Variants in PHF3 observed in about 807,000 individuals in gnomAD.
PHF3 encodes PHD finger protein 3.
Under a neutral mutation model 178.4 loss-of-function variants are expected in PHF3, and 41 were observed. The ratio of observed to expected loss-of-function variants is 0.23; its 90% CI spans 0.18 to 0.30. PHF3 has a LOEUF of 0.30. Ranked by LOEUF, PHF3 falls within the 10% of genes least tolerant of loss-of-function variation. The probability of loss-of-function intolerance (pLI) is 1.00; values close to 1 mark genes in which losing one functional copy is unlikely to be tolerated. For synonymous variants in PHF3, 842 were observed against 800.5 expected (o/e 1.05, Z -0.88); for missense variants, 2,346 against 2,398.1 (o/e 0.98, Z 0.45).
chr6:63,658,891 G>A lies in PHF3; in HGVS notation c.244+12096G>A, dbSNP rs1765351270. On this transcript the variant is annotated intron_variant, in intron 2 of 15. Transcript: ENST00000262043. ...GCTGGAGACCTAGGGAAGAGTTGAT[G>A]TTGCAGTTTGAGTCCAAAGGCATTT... 2.0e-5 allele frequency among the ~76,000 whole-genome samples: 3 copies of A among 152,190 alleles called. No homozygotes were observed. The Middle Eastern group carries it at 0.01, about 521-fold the overall frequency.
At position 63,695,634 on chromosome 6, in the gene PHF3, G is replaced by A. The variant is rs547234364; in HGVS notation, c.2680+870G>A. 3.3e-5 allele frequency among the ~76,000 whole-genome samples: 5 copies of A among 152,276 alleles called. No homozygotes were observed. In the South Asian group the frequency reaches 1.0e-3, roughly 32 times the overall value. On this transcript the variant is annotated intron_variant, in intron 6 of 15. Transcript: ENST00000262043. Reference sequence around the variant, plus strand: ...GGGAAAACTCTGGTTGCTCTGTACAGTTTGGATTGTAGGAAGGCAGGAGAG... The same window carrying A: ...GGGAAAACTCTGGTTGCTCTGTACAATTTGGATTGTAGGAAGGCAGGAGAG...
At chr6:63,636,662 C>CT (rs1220497490) in intron 1 of PHF3, 1 of 152,398 alleles carries the variant, frequency 6.6e-6, no homozygotes, top group Non-Finnish European at 1.5e-5. Flanking sequence ...CCTGCTGCTG[C>CT]TTTTTGGAGA....
In PHF3 at chr6:63,703,576, C is replaced by A; in HGVS notation, c.3272C>A (p.Ser1091Tyr). ...AAGTCATTGGAGAAGCCAGAAGGAT[C>A]TGAAAAACAAAAAGAGGAGGTTGAC... ...ANKSLEKPEGSEKQKEEVDSM... is the reference protein window; with the variant it reads ...ANKSLEKPEGYEKQKEEVDSM... Residue 1091 changes from serine (S) to tyrosine (Y), a missense_variant, in exon 11 of 16, where the codon TCT becomes TAT. Physicochemically the swap from Ser to Tyr is moderately radical, Grantham distance 144 (BLOSUM62 -2). Transcript: ENST00000262043. 1 of 1,612,716 alleles carries A rather than the reference C, an allele frequency of 6.2e-7. No individual in the cohort carries two copies.
At chr6:63,687,437 A>G (rs1306362174) in intron 4 of PHF3, among the ~76,000 whole-genome samples, 1 of 152,196 alleles carries the variant, frequency 6.6e-6, no homozygotes, top group Non-Finnish European at 1.5e-5. Context: ...AAATGAACAC[A>G]TTACTCAAAT....
At position 63,694,690 on chromosome 6, in the gene PHF3, C is replaced by T. The variant is rs371096663; in HGVS notation, c.2606C>T (p.Ser869Leu). The change falls in exon 6 of 16, where the codon TCA (serine) becomes TTA (leucine). Residue 869 changes from serine to leucine, a missense_variant. Physicochemically the swap from Ser to Leu is moderately radical, Grantham distance 145 (BLOSUM62 -2). Transcript: ENST00000262043. ...CAACCAGTTTTACCTCGGAGATCCT[C>T]AGAAGAAAAAAGTGAAAAAATACCG... is the stretch of plus-strand genomic sequence containing the variant. ...MGQPVLPRRS[S>L]EEKSEKIPKE... The T allele has an allele frequency of 2.4e-5, 38 of 1,599,644 alleles. No individual in the cohort carries two copies. The highest frequency in any genetic ancestry group is 3.2e-5 in the Non-Finnish European group (38 of 1,172,826).
chr6:63,638,469 T>A (rs1355573722), intron 1 of PHF3, among the ~76,000 whole-genome samples: 1 of 152,164 alleles, frequency 6.6e-6, no homozygotes, highest in East Asian at 1.9e-4. Context: ...CATTTAAATT[T>A]CTCATAAAAT....
intron 2 of PHF3, among the ~76,000 whole-genome samples, chr6:63,670,347 AAAGCTCT>A (rs1329630515): frequency 6.6e-6 from 1 of 152,006 alleles, no homozygotes; most frequent in African/African-American, 2.4e-5. Flanking sequence ...CGGCTCACTG[AAAGCTCT>A]GCCTCCTGGG....
chr6:63,704,270 T>C (rs377377720), intron 11 of PHF3, among the ~76,000 whole-genome samples: 2 of 152,232 alleles, frequency 1.3e-5, no homozygotes, highest in African/African-American at 4.8e-5. Context: ...ATAGTTTACA[T>C]TGGCGTTCAC....
At position 63,635,852 on chromosome 6, in the gene PHF3, C is replaced by T. The variant is rs988084547; in HGVS notation, c.-324C>T. On this transcript the variant is annotated 5_prime_UTR_variant, in exon 1 of 16. The change creates a new upstream start codon in the 5' untranslated region. Coordinates refer to ENST00000262043, the MANE Select transcript of PHF3 (RefSeq NM_001370348.2). ...CTCCAGCTCCCGCGCCGCCGCCGCA[C>T]GCCGATGGCTGCGGGGTCTCGCGCC... 2.5e-6 allele frequency: 1 copy of T among 396,782 alleles called. No homozygotes were observed. Among genetic ancestry groups the T allele is most frequent in the Admixed American group, 4.4e-5 (1 of 22,674 alleles). 24.6% of individuals were successfully genotyped at this position (396,782 alleles called of 1,614,324 possible).
At chr6:63,664,355 A>T (rs1765591180) in intron 2 of PHF3, among the ~76,000 whole-genome samples, 1 of 152,184 alleles carries the variant, frequency 6.6e-6, no homozygotes, top group Non-Finnish European at 1.5e-5. Flanking sequence ...CTCGTATCAG[A>T]AATTTTAGAG....
chr6:63,703,066 C>G (rs1767543224), intron 10 of PHF3, among the ~76,000 whole-genome samples: 1 of 152,028 alleles, frequency 6.6e-6, no homozygotes, highest in Non-Finnish European at 1.5e-5. Flanking sequence ...TTAGTAGAGA[C>G]AGAGTTTCAC....
chr6:63,646,436 C>T, intron 1 of PHF3, 91 bp from the exon 2 acceptor site: 1 of 856,610 alleles, frequency 1.2e-6, no homozygotes, highest in Non-Finnish European at 1.7e-6. Flanking sequence ...TAAGTGTGTT[C>T]TTAGACTCAA....
rs768951557 is a variant in PHF3 at position 63,715,956 on chromosome 6, T to C, written c.*2248T>C. ...CTGTTTTAAGAAAAAACCTGCTCTT[T>C]AAAAAAAGTTTTACACTTAAAAAAA... On this transcript the variant is annotated 3_prime_UTR_variant, in exon 16 of 16. Transcript: ENST00000262043. 6.6e-5 allele frequency among the ~76,000 whole-genome samples: 10 copies of C among 152,130 alleles called. No homozygotes were observed. The highest frequency in any genetic ancestry group is 1.2e-4 in the Non-Finnish European group (8 of 67,984).
At chr6:63,664,113 A>G (rs990442139) in intron 2 of PHF3, among the ~76,000 whole-genome samples, 1 of 152,226 alleles carries the variant, frequency 6.6e-6, no homozygotes, top group African/African-American at 2.4e-5. Context: ...AACAGCTAGC[A>G]GTTTCAAGTA....
rs751911231 is a variant in PHF3 at position 63,698,320 on chromosome 6, G to T, written c.2778G>T (p.Gln926His). 6.2e-7 allele frequency: 1 copy of T among 1,612,844 alleles called. No individual in the cohort carries two copies. Among genetic ancestry groups the T allele is most frequent in the Non-Finnish European group, 8.5e-7 (1 of 1,179,156 alleles). The change falls in exon 7 of 16, where the codon CAG becomes CAT. Residue 926 changes from glutamine to histidine, a missense_variant. Around this residue, in one of 8 missense-constraint regions of PHF3, gnomAD observed 252 missense variants for 232.0 expected, o/e 1.09. Transcript: ENST00000262043. The part of the protein sequence containing the change: ...AASASKPSAD[Q>H]IRQSVRHSLK... The stretch of plus-strand genomic sequence containing the variant: ...CTGCTTCCAAGCCTTCTGCAGATCA[G>T]ATCAGGCAAAGTGTCAGACATTCTC...
intron 1 of PHF3, among the ~76,000 whole-genome samples, chr6:63,643,930 A>G (rs1219066918): frequency 6.6e-6 from 1 of 152,256 alleles, no homozygotes; most frequent in African/African-American, 2.4e-5. Context: ...TTGCTCCTTT[A>G]GATGACTAGT....
At chr6:63,644,275 T>C (rs1186413696) in intron 1 of PHF3, among the ~76,000 whole-genome samples, 1 of 152,240 alleles carries the variant, frequency 6.6e-6, no homozygotes, top group East Asian at 1.9e-4. Context: ...TGGTTTGCTG[T>C]ATTGGATTCC....
chr6:63,648,668 G>C (rs1161053929), intron 2 of PHF3, among the ~76,000 whole-genome samples: 1 of 152,076 alleles, frequency 6.6e-6, no homozygotes, highest in Non-Finnish European at 1.5e-5. Flanking sequence ...GAAATTTTTT[G>C]AGATACGATT....
At chr6:63,681,067 TG>T (rs1297900289) in intron 3 of PHF3, among the ~76,000 whole-genome samples, 3 of 152,152 alleles carry the variant, frequency 2.0e-5, no homozygotes, top group African/African-American at 7.2e-5. Context: ...ATTCTCATAC[TG>T]GAATCATGGT....
Sources: allele counts gnomAD v4.1 joint callset (sites outside exome capture counted in the v4.1 genomes callset), GRCh38; gene constraint gnomAD v4.1.1; regional missense constraint gnomAD v4.1.1; transcripts MANE v1.5; gene names NCBI Gene and HGNC (gene_info 2026-07-23, HGNC 2026-07-21).